The following ENTREP2 variants were observed in gnomAD, a reference collection of about 807,000 sequenced individuals.
ENTREP2 encodes endosomal transmembrane epsin interactor 2, also known as protein ENTREP2.
At chr15:29,635,554 G>A in the ENTREP2 span, among the ~76,000 whole-genome samples, 3 of 152,112 alleles carry the variant, frequency 2.0e-5, no homozygotes, top group African/African-American at 7.2e-5. Context: ...ACTAGGCCAC[G>A]ATGACCCATT....
the ENTREP2 span, among the ~76,000 whole-genome samples, chr15:29,589,540 C>T: frequency 6.6e-6 from 1 of 152,242 alleles, no homozygotes; most frequent in South Asian, 2.1e-4. Context: ...TATCATCTTC[C>T]AGATGGTGCT....
chr15:29,413,057 C>T, the ENTREP2 span, among the ~76,000 whole-genome samples: 1 of 151,624 alleles, frequency 6.6e-6, no homozygotes, highest in Admixed American at 6.6e-5. Context: ...TTTTTAATTT[C>T]CAAATATATT....
the ENTREP2 span, among the ~76,000 whole-genome samples, chr15:29,392,980 TTA>T: frequency 1.3e-5 from 2 of 152,272 alleles, no homozygotes; most frequent in Non-Finnish European, 2.9e-5. Context: ...AGTTCAGTGA[TTA>T]TATCTCAATA....
At chr15:29,498,487 G>T in the ENTREP2 span, among the ~76,000 whole-genome samples, 1 of 152,014 alleles carries the variant, frequency 6.6e-6, no homozygotes, top group African/African-American at 2.4e-5. Context: ...TGATCAGAAA[G>T]AAATATTACA....
the ENTREP2 span, among the ~76,000 whole-genome samples, chr15:29,223,702 C>T: frequency 6.6e-6 from 1 of 152,250 alleles, no homozygotes; most frequent in South Asian, 2.1e-4. Flanking sequence ...AGTGGCGCTC[C>T]TGGCCAGGGT....
the ENTREP2 span, among the ~76,000 whole-genome samples, chr15:29,208,354 T>C: frequency 6.6e-6 from 1 of 152,158 alleles, no homozygotes; most frequent in African/African-American, 2.4e-5. Context: ...TGTAAAATGT[T>C]GATGCTTGCT....
chr15:29,668,662 T>A, the ENTREP2 span, among the ~76,000 whole-genome samples: 1 of 152,154 alleles, frequency 6.6e-6, no homozygotes, highest in Admixed American at 6.5e-5. Flanking sequence ...TGCCCCGAAT[T>A]TGATGCTTTG....
At chr15:29,227,832 A>G in the ENTREP2 span, among the ~76,000 whole-genome samples, 2 of 152,220 alleles carry the variant, frequency 1.3e-5, no homozygotes, top group African/African-American at 4.8e-5. Flanking sequence ...TCTACATGCC[A>G]AGTAGAAATC....
At chr15:29,415,405 A>G in the ENTREP2 span, among the ~76,000 whole-genome samples, 201 of 152,280 alleles carry the variant, frequency 1.3e-3, 5 homozygotes, top group East Asian at 0.038. Context: ...AAAAACCACG[A>G]TTATCTCAAT....
chr15:29,184,062 G>A, the ENTREP2 span, among the ~76,000 whole-genome samples: 1 of 151,956 alleles, frequency 6.6e-6, no homozygotes, highest in Non-Finnish European at 1.5e-5. Context: ...CTTACTGCAT[G>A]CAGCCTCAAC....
chr15:29,473,823 C>A, the ENTREP2 span, among the ~76,000 whole-genome samples: 21 of 152,302 alleles, frequency 1.4e-4, no homozygotes, highest in Non-Finnish European at 2.8e-4. Flanking sequence ...CCCCATCTCC[C>A]GGGCTGAATG....
chr15:29,329,815 TATCCATGAGTCCATATTTCTATAAATAC>T, the ENTREP2 span, among the ~76,000 whole-genome samples: 1 of 152,254 alleles, frequency 6.6e-6, no homozygotes, highest in South Asian at 2.1e-4. Flanking sequence ...ATAAAATAAA[TATCCATGAGTCCATATTTCTATAAATAC>T]ATGATTGAAC....
chr15:29,475,469 C>T, the ENTREP2 span, among the ~76,000 whole-genome samples: 37,997 of 152,038 alleles, frequency 0.25, 4,978 homozygotes, highest in East Asian at 0.38. Context: ...CGTTCACTCA[C>T]CGCACCTTGG....
the ENTREP2 span, among the ~76,000 whole-genome samples, chr15:29,601,761 C>T: frequency 6.6e-6 from 1 of 152,150 alleles, no homozygotes; most frequent in African/African-American, 2.4e-5. Context: ...AAAATGCCAC[C>T]TGGGTTTATC....
chr15:29,416,934 A>G, the ENTREP2 span, among the ~76,000 whole-genome samples: 1 of 152,216 alleles, frequency 6.6e-6, no homozygotes, highest in South Asian at 2.1e-4. Context: ...GCAAATCAAA[A>G]CCACAATGAG....
chr15:29,268,557 T>C, the ENTREP2 span: 1 of 451,732 alleles, frequency 2.2e-6, no homozygotes. Context: ...AGCAAAATTT[T>C]TTATACCAAA....
the ENTREP2 span, among the ~76,000 whole-genome samples, chr15:29,504,676 G>A: frequency 1.3e-5 from 2 of 152,164 alleles, no homozygotes; most frequent in Non-Finnish European, 2.9e-5. Context: ...TTTGAAGCTG[G>A]ATTCAGACTA....
the ENTREP2 span, among the ~76,000 whole-genome samples, chr15:29,384,682 C>T: frequency 2.4e-4 from 36 of 152,124 alleles, no homozygotes; most frequent in Non-Finnish European, 4.6e-4. Flanking sequence ...AGCCACAGAG[C>T]TCTGTGGGCT....
chr15:29,196,327 G>T, the ENTREP2 span: 65 of 1,304,206 alleles, frequency 5.0e-5, no homozygotes, highest in Non-Finnish European at 3.2e-6. Flanking sequence ...ACCTACCCCG[G>T]GAAGTTAAGA....
Sources: gnomAD v4.1 joint callset for allele counts (sites outside exome capture counted in the v4.1 genomes callset) on GRCh38, gnomAD v4.1.1 for gene constraint, MANE v1.5 for transcripts, NCBI Gene and HGNC (gene_info 2026-07-23, HGNC 2026-07-21) for gene names.